Variants in LRRK1 observed in about 807,000 individuals in gnomAD.
The protein encoded by LRRK1 is leucine rich repeat kinase 1, also known as leucine-rich repeat serine/threonine-protein kinase 1.
A neutral mutation model predicts 209.1 loss-of-function variants in LRRK1; 113 were observed. The ratio of observed to expected loss-of-function variants is 0.54; its 90% CI spans 0.46 to 0.63. The LOEUF is 0.63. LRRK1 is among the 30% of genes least tolerant of loss of function. The probability of loss-of-function intolerance (pLI) is 0.00; values close to 1 mark genes in which losing one functional copy is unlikely to be tolerated. For missense variants in LRRK1, 2,284 were observed against 2,632.2 expected (o/e 0.87, Z 2.89); for synonymous variants, 1,144 against 1,099.7 (o/e 1.04, Z -0.80).
intron 6 of LRRK1, among the ~76,000 whole-genome samples, chr15:101,006,895 ACAAT>A (rs1006243245): frequency 5.3e-5 from 8 of 152,208 alleles, no homozygotes; most frequent in African/African-American, 1.7e-4. Context: ...TAAAATAGTA[ACAAT>A]CAAACAGGCC....
chr15:101,023,024 C>G (rs1171698178), intron 15 of LRRK1, among the ~76,000 whole-genome samples: 2 of 152,122 alleles, frequency 1.3e-5, no homozygotes, highest in Non-Finnish European at 2.9e-5. Context: ...CCTCACTGCT[C>G]TCTGACCCCA....
chr15:100,964,220 C>T lies in LRRK1; in HGVS notation c.98-9584C>T, dbSNP rs990550464. Among the ~76,000 whole-genome samples the T allele has an allele frequency of 3.3e-5, 5 of 152,288 alleles. No homozygotes were observed. The East Asian group carries it at 5.8e-4, about 18-fold the overall frequency. On this transcript the variant is annotated intron_variant, in intron 2 of 33. Coordinates refer to ENST00000388948, the MANE Select transcript of LRRK1 (RefSeq NM_024652.6). ...CCACCATCTGGAGAGGAATTATCAC[C>T]GCAGATCACCCCGGGGCTGGGTGAC...
chr15:101,024,546 T>C lies in LRRK1; in HGVS notation c.2068-257T>C, dbSNP rs1374162980. 6.6e-6 allele frequency among the ~76,000 whole-genome samples: 1 copy of C among 152,206 alleles called. No homozygotes were observed. The highest frequency in any genetic ancestry group is 1.5e-5 in the Non-Finnish European group (1 of 68,034). On this transcript the variant is annotated intron_variant, in intron 15 of 33. Coordinates refer to ENST00000388948, the MANE Select transcript of LRRK1 (RefSeq NM_024652.6). This position sits in a 1 kb window ranked among gnomAD's most constrained non-coding sequence, Gnocchi z 4.6. ...GCAGCCCAGACAGAGCCAGGCCCTC[T>C]GAAGTCTGTCCAGGGCCTGGTCTCT...
At chr15:101,053,174 C>A (rs746560699) in intron 25 of LRRK1, 49 bp from the exon 26 acceptor site, 1 of 1,592,238 alleles carries the variant, frequency 6.3e-7, no homozygotes, top group Non-Finnish European at 8.5e-7. Flanking sequence ...AGGCCTGAGG[C>A]TGCAGGCACC....
Position 101,022,361 on chromosome 15 carries a change from TC to T in LRRK1, c.1853-18del. On this transcript the variant is annotated intron_variant, in intron 14 of 33. Transcript: ENST00000388948. This position sits in a 1 kb window ranked among gnomAD's most constrained non-coding sequence, Gnocchi z 4.0. ...GAGCATGTGCCCACGCAGCTACCCT[TC>T]CCCTTAATGATTTTGCACAGGCCCC... The T allele has an allele frequency of 6.2e-7, 1 of 1,610,204 alleles. No homozygotes were observed. Among genetic ancestry groups the T allele is most frequent in the Non-Finnish European group, 8.5e-7 (1 of 1,176,582 alleles).
chr15:101,012,620 G>GGCA (rs2033314105), intron 10 of LRRK1, among the ~76,000 whole-genome samples: 2 of 152,162 alleles, frequency 1.3e-5, no homozygotes, highest in African/African-American at 4.8e-5. Context: ...CAGGGGCCCT[G>GGCA]TAGTGGACCC....
intron 2 of LRRK1, among the ~76,000 whole-genome samples, chr15:100,928,945 T>C (rs1261558943): frequency 1.3e-5 from 2 of 152,146 alleles, no homozygotes; most frequent in Non-Finnish European, 2.9e-5. Context: ...CCAGCAGCAG[T>C]CAGCTCGCCT....
rs1466528093 is a variant in LRRK1, at chr15:101,026,086, C to A, written c.2354C>A (p.Pro785His). The A allele has an allele frequency of 6.2e-7, 1 of 1,614,274 alleles. No individual in the cohort carries two copies. Among genetic ancestry groups the A allele is most frequent in the East Asian group, 2.2e-5 (1 of 44,886 alleles). The change falls in exon 17 of 34, where the codon CCC becomes CAC. Residue 785 changes from proline to histidine, a missense_variant. Coordinates refer to ENST00000388948, the MANE Select transcript of LRRK1 (RefSeq NM_024652.6). ...RAYVLALCRS[P>H]SGSRATGFPD... is the part of the protein sequence containing the mutation. ...TATGTGCTGGCACTCTGCCGCTCCC[C>A]CTCCGGCTCCAGGGCCACAGGCTTC...
chr15:101,024,789 T>C lies in LRRK1; in HGVS notation c.2068-14T>C. The C allele has an allele frequency of 1.2e-6, 2 of 1,603,976 alleles. No homozygotes were observed. Among genetic ancestry groups the C allele is most frequent in the South Asian group, 2.2e-5 (2 of 90,856 alleles). On this transcript the variant is annotated splice_polypyrimidine_tract_variant and intron_variant, in intron 15 of 33. Transcript: ENST00000388948. The surrounding 1 kb of genome is among the most constrained non-coding windows in gnomAD (Gnocchi z 4.6). ...CTAAAATGCCTCCCTGTCGCTGCCTTGTTGCTCAAGTAGGTTGAGTCCGTG... is the reference window on the plus strand; with the variant it reads ...CTAAAATGCCTCCCTGTCGCTGCCTCGTTGCTCAAGTAGGTTGAGTCCGTG...
intron 6 of LRRK1, among the ~76,000 whole-genome samples, chr15:100,996,298 A>G (rs936113): frequency 0.55 from 83,376 of 152,160 alleles, 24,609 homozygotes; most frequent in African/African-American, 0.79. Flanking sequence ...TGTAGGAGCC[A>G]ACGTGGGCAC....
chr15:101,014,477 C>T (rs2033433562), intron 11 of LRRK1, 49 bp downstream of exon 11: 2 of 1,283,620 alleles, frequency 1.6e-6, no homozygotes, highest in Non-Finnish European at 2.3e-6. Context: ...GTGTGTGGGG[C>T]CACGGTCGAG....
rs2036751767 is a variant in LRRK1, at chr15:101,070,329, TTTTTTAC to T, written c.*1482_*1488del. 7.3e-6 allele frequency: 1 copy of T among 137,826 alleles called. No homozygotes were observed. 8.5% of individuals were successfully genotyped at this position (137,826 alleles called of 1,614,324 possible). On this transcript the variant is annotated 3_prime_UTR_variant, in exon 34 of 34. Coordinates refer to ENST00000388948, the MANE Select transcript of LRRK1 (RefSeq NM_024652.6). ...CACTCTTTTTTTTTTTTTTTTTTTT[TTTTTTAC>T]CAACCTGGGCACCAAGTCCCAGGGG...
At chr15:100,982,020 TCACA>T (rs1156245903) in intron 3 of LRRK1, among the ~76,000 whole-genome samples, 1 of 152,170 alleles carries the variant, frequency 6.6e-6, no homozygotes, top group African/African-American at 2.4e-5. Flanking sequence ...GTCCCACCTG[TCACA>T]CACAGTAGAT....
chr15:101,048,218 T>C (rs1450534169), intron 21 of LRRK1, among the ~76,000 whole-genome samples: 5 of 152,230 alleles, frequency 3.3e-5, no homozygotes, highest in African/African-American at 9.6e-5. Context: ...TTTTCTAATA[T>C]GAATTTTTGC....
chr15:101,030,982 A>G (rs2034254863), intron 20 of LRRK1, among the ~76,000 whole-genome samples: 2 of 152,140 alleles, frequency 1.3e-5, no homozygotes, highest in Admixed American at 6.5e-5. Flanking sequence ...CTTAGCTCTC[A>G]CATATCAGTG....
Position 101,048,414 on chromosome 15 carries a change from A to G in LRRK1, c.3136-80A>G, listed in dbSNP as rs144132672. 2.3e-5 allele frequency: 30 copies of G among 1,314,664 alleles called. No individual in the cohort carries two copies. The African/African-American group carries it at 3.5e-4, about 16-fold the overall frequency. 81.4% of individuals were successfully genotyped at this position (1,314,664 alleles called of 1,614,324 possible). On this transcript the variant is annotated intron_variant, in intron 21 of 33. Coordinates refer to ENST00000388948, the MANE Select transcript of LRRK1 (RefSeq NM_024652.6). ...GGGGACATTTATCAAGATGGGGCCC[A>G]GCCCGGCCTCTGCAGAGCTCTGCCC... is the stretch of plus-strand genomic sequence containing the variant.
chr15:101,044,467 C>T (rs2034943976), intron 20 of LRRK1, among the ~76,000 whole-genome samples: 2 of 152,218 alleles, frequency 1.3e-5, no homozygotes, highest in Admixed American at 1.3e-4. Flanking sequence ...CTGGTCATTC[C>T]CTGGGACGGC....
chr15:100,996,896 C>T (rs530546338), intron 6 of LRRK1, among the ~76,000 whole-genome samples: 34 of 151,944 alleles, frequency 2.2e-4, no homozygotes, highest in Non-Finnish European at 3.7e-4. Flanking sequence ...AACTAGAAGA[C>T]GTAATGAGAA....
intron 2 of LRRK1, among the ~76,000 whole-genome samples, chr15:100,956,709 C>T (rs2042774278): frequency 6.6e-6 from 1 of 152,028 alleles, no homozygotes; most frequent in Admixed American, 6.6e-5. Flanking sequence ...ATGATCTGCA[C>T]TCCTTGGCCT....
Sources: gnomAD v4.1 joint callset for allele counts (sites outside exome capture counted in the v4.1 genomes callset) on GRCh38, gnomAD v4.1.1 for gene constraint, Gnocchi (gnomAD v3.1) non-coding constraint, MANE v1.5 for transcripts, NCBI Gene and HGNC (gene_info 2026-07-23, HGNC 2026-07-21) for gene names.